Variants in ADAM10 observed in about 807,000 individuals in gnomAD.
The protein encoded by ADAM10 is ADAM metallopeptidase domain 10, also known as disintegrin and metalloproteinase domain-containing protein 10.
Under a neutral mutation model 90.1 loss-of-function variants are expected in ADAM10, and 17 were observed. The ratio of observed to expected loss-of-function variants is 0.19; its 90% confidence interval spans 0.13 to 0.28. The LOEUF (loss-of-function observed/expected upper bound fraction) is 0.28. Ranked by LOEUF, ADAM10 falls within the 10% of genes least tolerant of loss-of-function variation. The pLI is 1.00. For missense variants in ADAM10, 610 were observed against 914.3 expected (o/e 0.67, Z 4.29); for synonymous variants, 310 against 298.6 (o/e 1.04, Z -0.40).
chr15:58,610,103 T>C, intron 14 of ADAM10, 194 bp downstream of exon 14: 1 of 636,004 alleles, frequency 1.6e-6, no homozygotes, highest in South Asian at 1.8e-5. Context: ...AAGCAATCTA[T>C]GAATGATACA....
At chr15:58,739,162 T>C (rs1319110329) in intron 1 of ADAM10, among the ~76,000 whole-genome samples, 3 of 152,316 alleles carry the variant, frequency 2.0e-5, no homozygotes, top group African/African-American at 7.2e-5. Context: ...AGATTTCTGC[T>C]ACTGGATGGA....
rs536130076 is a variant in ADAM10 at position 58,658,745 on chromosome 15, T to C, written c.585+6352A>G. On this transcript the variant is annotated intron_variant, in intron 5 of 15. Coordinates refer to ENST00000260408, the MANE Select transcript of ADAM10 (RefSeq NM_001110.4). Reference sequence around the variant, plus strand: ...TTATTCTACATATTTTATATTTTGATGCTATTTTAATTTTTTTCATTTTCT... The same window carrying C: ...TTATTCTACATATTTTATATTTTGACGCTATTTTAATTTTTTTCATTTTCT... Among the ~76,000 whole-genome samples the C allele has an allele frequency of 2.0e-5, 3 of 152,328 alleles. No homozygotes were observed. The East Asian group carries it at 5.8e-4, about 29-fold the overall frequency.
At chr15:58,656,204 C>T (rs1185641700) in intron 5 of ADAM10, among the ~76,000 whole-genome samples, 1 of 152,112 alleles carries the variant, frequency 6.6e-6, no homozygotes, top group African/African-American at 2.4e-5. Flanking sequence ...TGTATCTTTA[C>T]AGGTAAAATG....
At chr15:58,655,679 TA>T (rs1251209680) in intron 5 of ADAM10, among the ~76,000 whole-genome samples, 33 of 91,938 alleles carry the variant, frequency 3.6e-4, no homozygotes, top group African/African-American at 8.8e-4. Context: ...CATACATACA[TA>T]TATATATTAT....
At chr15:58,642,225 G>A (rs544128795) in intron 7 of ADAM10, among the ~76,000 whole-genome samples, 1 of 152,182 alleles carries the variant, frequency 6.6e-6, no homozygotes, top group Non-Finnish European at 1.5e-5. Flanking sequence ...CCAGCACTTT[G>A]GGAGGCCGAG....
chr15:58,680,915 C>A (rs541614242), intron 3 of ADAM10, among the ~76,000 whole-genome samples: 5 of 152,244 alleles, frequency 3.3e-5, no homozygotes, highest in African/African-American at 1.2e-4. Context: ...ACCTCCTGGG[C>A]TCAGCAATCC....
chr15:58,713,881 C>T (rs1451138148), intron 2 of ADAM10, among the ~76,000 whole-genome samples: 3 of 151,262 alleles, frequency 2.0e-5, no homozygotes, highest in Admixed American at 6.6e-5. Context: ...GGCGTGATCT[C>T]GGCTCACTGC....
At chr15:58,652,712 T>C (rs190910295) in intron 5 of ADAM10, among the ~76,000 whole-genome samples, 7 of 152,334 alleles carry the variant, frequency 4.6e-5, no homozygotes, top group African/African-American at 1.7e-4. Context: ...TAGCATTGGT[T>C]ATTCTGAGTT....
In ADAM10 at chr15:58,711,764, T is replaced by A. The variant is rs547745810; in HGVS notation, c.206+5813A>T. ...CATATACATACAACCACAAAAATAA[T>A]TCAATATAATAGTGTATATATACTT... On this transcript the variant is annotated intron_variant, in intron 2 of 15. Transcript: ENST00000260408. Among the ~76,000 whole-genome samples the A allele has an allele frequency of 9.2e-5, 14 of 152,242 alleles. No individual in the cohort carries two copies. The South Asian group carries it at 2.9e-3, about 32-fold the overall frequency.
chr15:58,707,388 A>C (rs1437758484), intron 2 of ADAM10: 2 of 152,548 alleles, frequency 1.3e-5, no homozygotes, highest in Non-Finnish European at 2.9e-5. Context: ...CATCTAAAAA[A>C]AAAAAAACAA....
At chr15:58,647,812 C>T (rs974550528) in intron 5 of ADAM10, among the ~76,000 whole-genome samples, 1 of 152,108 alleles carries the variant, frequency 6.6e-6, no homozygotes, top group African/African-American at 2.4e-5. Context: ...CTCAGCTTCC[C>T]GAAGTACTGG....
intron 14 of ADAM10, among the ~76,000 whole-genome samples, chr15:58,607,736 C>A (rs1241605037): frequency 6.6e-6 from 1 of 152,052 alleles, no homozygotes; most frequent in Admixed American, 6.6e-5. Context: ...AAGAAAAAAG[C>A]CACAAAATCA....
rs1450862420 is a variant in ADAM10 at position 58,682,301 on chromosome 15, G to A, written c.220C>T (p.Arg74Ter). ...AAAAGGGAAGTGTCCCTCTTCATTC[G>A]TAGGTTGAAATGTCTGTAAAATGGG... is the stretch of plus-strand genomic sequence containing the variant. Reference protein sequence around the residue: ...FHAHGRHFNLRMKRDTSLFSD... With the variant: ...FHAHGRHFNL The change falls in exon 3 of 16, where the codon CGA (arginine) becomes TGA (stop). Residue 74 changes from arginine (R) to a stop codon, truncating the protein, a stop_gained. Coordinates refer to ENST00000260408, the MANE Select transcript of ADAM10 (RefSeq NM_001110.4). LOFTEE classifies it high-confidence loss of function. 4 of 1,612,376 alleles carry A rather than the reference G, an allele frequency of 2.5e-6. No individual in the cohort carries two copies. Among genetic ancestry groups the A allele is most frequent in the African/African-American group, 1.3e-5 (1 of 74,838 alleles).
rs1338675106 is a variant in ADAM10 at position 58,591,427 on chromosome 15, AAC to A, written c.*6118_*6119del. 6.6e-6 allele frequency: 1 copy of A among 152,122 alleles called. No homozygotes were observed. The highest frequency in any genetic ancestry group is 2.4e-5 in the African/African-American group (1 of 41,416). 9.4% of individuals were successfully genotyped at this position (152,122 alleles called of 1,614,324 possible). On this transcript the variant is annotated 3_prime_UTR_variant, in exon 16 of 16. Coordinates refer to ENST00000260408, the MANE Select transcript of ADAM10 (RefSeq NM_001110.4). ...CTATAGGAATTTGATTCACATTTAA[AAC>A]ACTTTTTTTTTTTCTTTGAGATGGA...
chr15:58,673,643 T>C (rs755857197), intron 4 of ADAM10, among the ~76,000 whole-genome samples: 3 of 152,132 alleles, frequency 2.0e-5, no homozygotes, highest in South Asian at 2.1e-4. Context: ...CGTTACGTAA[T>C]ATGAAATGCA....
chr15:58,610,884 A>G lies in ADAM10; in HGVS notation c.1804+115T>C, dbSNP rs2305421. Reference sequence around the variant, plus strand: ...ACATTTATAATCTCCTCAAGAGGACAGATTTAGCTGGAAATTATCTGGCCA... The same window carrying G: ...ACATTTATAATCTCCTCAAGAGGACGGATTTAGCTGGAAATTATCTGGCCA... On this transcript the variant is annotated intron_variant, in intron 13 of 15. Transcript: ENST00000260408. 147,542 of 798,694 alleles carry G rather than the reference A, an allele frequency of 0.18. 16,928 individuals carry two copies. Among genetic ancestry groups the G allele is most frequent in the East Asian group, 0.44 (17,428 of 39,898 alleles). 49.5% of individuals were successfully genotyped at this position (798,694 alleles called of 1,614,324 possible). A position where few individuals can be genotyped will look rare whatever the true frequency, so the allele number is the denominator to read the frequency against.
chr15:58,746,405 T>C (rs1270174555), intron 1 of ADAM10, among the ~76,000 whole-genome samples: 1 of 152,192 alleles, frequency 6.6e-6, no homozygotes, highest in Non-Finnish European at 1.5e-5. Context: ...CCATGCCTGC[T>C]GGGAGAGGCT....
chr15:58,621,611 T>A lies in ADAM10; in HGVS notation c.1371A>T (p.Gln457His), dbSNP rs201732339. 1 of 1,614,034 alleles carries A rather than the reference T, an allele frequency of 6.2e-7. No homozygotes were observed. Among genetic ancestry groups the A allele is most frequent in the Non-Finnish European group, 8.5e-7 (1 of 1,180,026 alleles). The change falls in exon 11 of 16, where the codon CAA becomes CAT. Residue 457 changes from glutamine to histidine, a missense_variant. By Grantham distance (24) the Gln-to-His change is conservative. Transcript: ENST00000260408. ...CTACCATTCCATTTCCACAAATAGG[T>A]TGGCCAGATTCTGAGGAAAATAAAC... is the stretch of plus-strand genomic sequence containing the variant. ...KRNNCFVESGQPICGNGMVEQ... is the reference protein window; with the variant it reads ...KRNNCFVESGHPICGNGMVEQ...
chr15:58,623,611 C>T (rs1321093973), intron 10 of ADAM10, among the ~76,000 whole-genome samples: 2 of 152,134 alleles, frequency 1.3e-5, no homozygotes, highest in African/African-American at 4.8e-5. Flanking sequence ...GATACATATA[C>T]ACCATGGAAT....
Sources: gnomAD v4.1 joint callset for allele counts (sites outside exome capture counted in the v4.1 genomes callset) on GRCh38, gnomAD v4.1.1 for gene constraint, MANE v1.5 for transcripts, NCBI Gene and HGNC (gene_info 2026-07-23, HGNC 2026-07-21) for gene names.